Variants in DIAPH2 observed in about 807,000 individuals in gnomAD.
The protein encoded by DIAPH2 is diaphanous related formin 2.
In DIAPH2, 35 loss-of-function variants were observed where a neutral mutation model predicts 92.7. That is an observed-to-expected ratio of 0.38 (90% CI 0.29 to 0.50). DIAPH2 has a LOEUF of 0.50. DIAPH2 is among the 20% of genes least tolerant of loss of function. The pLI, the probability that DIAPH2 is intolerant of heterozygous loss-of-function variation, is 0.94. For synonymous variants in DIAPH2, 301 were observed against 280.4 expected (o/e 1.07, Z -0.73); for missense variants, 701 against 819.5 (o/e 0.86, Z 1.77).
intron 26 of DIAPH2, among the ~76,000 whole-genome samples, chrX:97,446,874 A>AC (rs1156525534): frequency 6.4e-5 from 7 of 109,855 alleles, no homozygotes; most frequent in Non-Finnish European, 1.3e-4. Flanking sequence ...AAAAAAAAAA[A>AC]CTATGAAAGA....
chrX:97,339,248 C>CA (rs1249040659), intron 23 of DIAPH2, among the ~76,000 whole-genome samples: 1 of 111,154 alleles, frequency 9.0e-6, no homozygotes, highest in Non-Finnish European at 1.9e-5. Context: ...TGCAGTGGCT[C>CA]ACTCCTGTAA....
rs766078994 is a variant in DIAPH2, at chrX:97,169,895, A to T, written c.2719+28101A>T. On this transcript the variant is annotated intron_variant, in intron 22 of 26. Transcript: ENST00000324765. ...AAAAAATAAGACAAAAGTACCCAAA[A>T]CAAACAAACAAAGATTTGCAAATTG... Among the ~76,000 whole-genome samples, 11 of 111,924 alleles carry T rather than the reference A, an allele frequency of 9.8e-5. No homozygotes were observed. The South Asian group carries it at 1.9e-3, about 19-fold the overall frequency.
intron 22 of DIAPH2, among the ~76,000 whole-genome samples, chrX:97,210,085 C>A (rs1207969333): frequency 9.0e-6 from 1 of 111,297 alleles, no homozygotes; most frequent in Non-Finnish European, 1.9e-5. Context: ...TGTAATTATA[C>A]TATAATAATC....
intron 17 of DIAPH2, among the ~76,000 whole-genome samples, chrX:97,047,331 A>G (rs2066490468): frequency 9.1e-6 from 1 of 110,334 alleles, no homozygotes; most frequent in African/African-American, 3.3e-5. Flanking sequence ...TCTAGTTCAG[A>G]TAGTACATTT....
intron 15 of DIAPH2, 124 bp from the exon 16 acceptor site, chrX:96,957,704 T>G (rs2065820564): frequency 5.4e-6 from 3 of 553,934 alleles, no homozygotes; most frequent in Non-Finnish European, 8.5e-6. Flanking sequence ...TAGTAATATC[T>G]AAAAAAGTAT....
At chrX:97,298,710 G>A (rs754543174) in intron 23 of DIAPH2, among the ~76,000 whole-genome samples, 44 of 106,910 alleles carry the variant, frequency 4.1e-4, no homozygotes, top group Non-Finnish European at 6.9e-4. Flanking sequence ...CGCCTCCCGG[G>A]TTCACGCCTT....
intron 22 of DIAPH2, among the ~76,000 whole-genome samples, chrX:97,183,709 A>G (rs2067558485): frequency 8.9e-6 from 1 of 112,292 alleles, no homozygotes; most frequent in African/African-American, 3.2e-5. Context: ...TTTGTTCTGG[A>G]CAAAATTCAA....
intron 17 of DIAPH2, among the ~76,000 whole-genome samples, chrX:97,063,699 A>T (rs2066615782): frequency 8.9e-6 from 1 of 112,142 alleles, no homozygotes; most frequent in African/African-American, 3.2e-5. Context: ...AGGAGCTTCT[A>T]GATCCTAATT....
chrX:97,432,730 G>A (rs1292688915), intron 26 of DIAPH2, among the ~76,000 whole-genome samples: 1 of 110,454 alleles, frequency 9.1e-6, no homozygotes, highest in East Asian at 2.9e-4. Flanking sequence ...CAGGTGATCC[G>A]CCCACCTCGG....
rs1461884456 is a variant in DIAPH2, at chrX:97,180,062, C to CA, written c.2719+38271dup. Among the ~76,000 whole-genome samples the CA allele has an allele frequency of 2.7e-5, 3 of 111,618 alleles. No individual in the cohort carries two copies. In the Admixed American group the frequency reaches 2.9e-4, roughly 11 times the overall value. ...TGAGATTTAGGTGGGGACACAGAGC[C>CA]AAACCATATCACCCAGTATTGGGAT... On this transcript the variant is annotated intron_variant, in intron 22 of 26. Transcript: ENST00000324765.
chrX:96,906,157 C>T (rs1164956617), intron 5 of DIAPH2, among the ~76,000 whole-genome samples: 1 of 112,042 alleles, frequency 8.9e-6, no homozygotes, highest in Non-Finnish European at 1.9e-5. Flanking sequence ...AATATGAGTA[C>T]CAAATATTTA....
chrX:97,531,450 T>C (rs1057258905), intron 26 of DIAPH2, among the ~76,000 whole-genome samples: 2 of 112,264 alleles, frequency 1.8e-5, no homozygotes, highest in African/African-American at 6.5e-5. Context: ...ATTTAGAATA[T>C]GTATTCCAGT....
At chrX:96,949,496 C>A (rs2065759085) in intron 15 of DIAPH2, among the ~76,000 whole-genome samples, 1 of 109,275 alleles carries the variant, frequency 9.2e-6, no homozygotes, top group South Asian at 4.0e-4. Flanking sequence ...TCTAAACTTT[C>A]AAACTGATTG....
At chrX:96,852,525 T>G (rs2065012571) in intron 4 of DIAPH2, among the ~76,000 whole-genome samples, 1 of 111,898 alleles carries the variant, frequency 8.9e-6, no homozygotes, top group Admixed American at 9.6e-5. Context: ...GGAGCTGTGC[T>G]ACAAAGAGAG....
chrX:97,354,565 G>A (rs1217081693), intron 24 of DIAPH2, among the ~76,000 whole-genome samples: 1 of 111,928 alleles, frequency 8.9e-6, no homozygotes, highest in East Asian at 2.8e-4. Context: ...TAGGAGACGG[G>A]GTTTCGCCAT....
intron 24 of DIAPH2, among the ~76,000 whole-genome samples, chrX:97,369,335 G>A (rs764706878): frequency 6.3e-4 from 70 of 111,332 alleles, no homozygotes; most frequent in African/African-American, 2.0e-3. Flanking sequence ...ATAAAATAGG[G>A]TGAGTGCATC....
At chrX:96,732,930 G>A (rs752142873) in intron 1 of DIAPH2, among the ~76,000 whole-genome samples, 2 of 112,090 alleles carry the variant, frequency 1.8e-5, no homozygotes, top group African/African-American at 3.2e-5. Flanking sequence ...GTAGAATAGG[G>A]ATCATAAGAG....
At chrX:96,916,692 T>G in intron 8 of DIAPH2, 118 bp downstream of exon 8, 3 of 787,704 alleles carry the variant, frequency 3.8e-6, no homozygotes, top group Non-Finnish European at 5.2e-6. Flanking sequence ...TTTTAGATAA[T>G]TTTTGATTGA....
intron 25 of DIAPH2, among the ~76,000 whole-genome samples, chrX:97,417,264 A>G (rs1359560708): frequency 9.0e-6 from 1 of 111,096 alleles, no homozygotes; most frequent in Non-Finnish European, 1.9e-5. Flanking sequence ...AATATATAAT[A>G]TCATCATATA....
Sources: allele counts gnomAD v4.1 joint callset (sites outside exome capture counted in the v4.1 genomes callset), GRCh38; gene constraint gnomAD v4.1.1; transcripts MANE v1.5; gene names NCBI Gene and HGNC (gene_info 2026-07-23, HGNC 2026-07-21).